Variants in NAV3 observed in about 807,000 individuals in gnomAD.
NAV3 encodes the protein pore membrane and/or filament interacting like protein 1.
In NAV3, 87 loss-of-function variants were observed where a neutral mutation model predicts 244.7. The observed-to-expected ratio is 0.36, with a 90% CI of 0.30 to 0.42. The LOEUF (loss-of-function observed/expected upper bound fraction) is 0.42, where lower values mean the gene tolerates loss of function less well. Ranked by LOEUF, NAV3 falls within the 20% of genes least tolerant of loss-of-function variation. NAV3 has a pLI of 1.00. For missense variants in NAV3, 2,663 were observed against 2,893.3 expected (o/e 0.92, Z 1.83); for synonymous variants, 1,126 against 1,042.2 (o/e 1.08, Z -1.55).
At chr12:77,857,207 G>A (rs1487383185) in intron 1 of NAV3, among the ~76,000 whole-genome samples, 1 of 151,954 alleles carries the variant, frequency 6.6e-6, no homozygotes, top group Non-Finnish European at 1.5e-5. Flanking sequence ...TAATCTCTCT[G>A]AGCTCCAGCT....
At chr12:77,797,157 A>G (rs1262185948) in intron 2 of NAV3, among the ~76,000 whole-genome samples, 1 of 152,190 alleles carries the variant, frequency 6.6e-6, no homozygotes, top group African/African-American at 2.4e-5. Context: ...TAAACAGTAA[A>G]TCTTATTGTT....
intron 5 of NAV3, among the ~76,000 whole-genome samples, chr12:77,975,361 C>T (rs1041726555): frequency 4.6e-5 from 7 of 152,164 alleles, no homozygotes; most frequent in African/African-American, 1.4e-4. Flanking sequence ...AAAATCTTTG[C>T]TTTCTTGAAG....
At chr12:78,109,788 A>G (rs1954994500) in intron 12 of NAV3, among the ~76,000 whole-genome samples, 1 of 151,984 alleles carries the variant, frequency 6.6e-6, no homozygotes, top group Non-Finnish European at 1.5e-5. Context: ...CATAGAAGAA[A>G]CATACCTCAA....
chr12:77,745,153 G>C lies in NAV3; in HGVS notation c.72+172887G>C, dbSNP rs150905117. On this transcript the variant is annotated intron_variant, in intron 2 of 8. Coordinates refer to the NAV3 transcript ENST00000550042. ...TGTTGTCTTTTGGTTTAAACCTAAG[G>C]GTTGCAGTAATTTTTGCTGGTTTTA... 6.8e-3 allele frequency among the ~76,000 whole-genome samples: 1,028 copies of C among 151,964 alleles called. 22 individuals are homozygous for C. Among genetic ancestry groups the C allele is most frequent in the South Asian group, 0.06 (289 of 4,816 alleles).
intron 2 of NAV3, among the ~76,000 whole-genome samples, chr12:77,715,179 T>G (rs995526803): frequency 2.0e-5 from 3 of 151,898 alleles, no homozygotes; most frequent in African/African-American, 7.2e-5. Context: ...AAAGAAGAAA[T>G]ATTTAGTAGA....
At chr12:78,024,520 C>T (rs574381794) in intron 9 of NAV3, among the ~76,000 whole-genome samples, 40 of 152,214 alleles carry the variant, frequency 2.6e-4, no homozygotes, top group African/African-American at 9.6e-4. Context: ...GTTCATGAAC[C>T]ACTGTCATCA....
intron 2 of NAV3, among the ~76,000 whole-genome samples, chr12:77,740,723 A>C (rs1022861927): frequency 6.6e-6 from 1 of 152,164 alleles, no homozygotes; most frequent in Non-Finnish European, 1.5e-5. Flanking sequence ...GAGGATAAGA[A>C]GTCTTTAACC....
chr12:77,726,011 T>C (rs994412482), intron 2 of NAV3, among the ~76,000 whole-genome samples: 2 of 151,950 alleles, frequency 1.3e-5, no homozygotes, highest in African/African-American at 2.4e-5. Flanking sequence ...TTTAATTACA[T>C]TGGGCCTAAC....
At chr12:78,164,468 T>A (rs1252564085) in intron 23 of NAV3, among the ~76,000 whole-genome samples, 1 of 152,048 alleles carries the variant, frequency 6.6e-6, no homozygotes, top group African/African-American at 2.4e-5. Context: ...AACTAAAAAT[T>A]TAGTTGAATA....
chr12:78,036,105 A>G (rs931912702), intron 9 of NAV3, among the ~76,000 whole-genome samples: 2 of 152,042 alleles, frequency 1.3e-5, no homozygotes, highest in African/African-American at 4.8e-5. Flanking sequence ...CATAAGGTTA[A>G]TAGTGGAAGA....
chr12:77,688,482 G>T (rs568094676), intron 2 of NAV3, among the ~76,000 whole-genome samples: 1 of 152,102 alleles, frequency 6.6e-6, no homozygotes, highest in African/African-American at 2.4e-5. Context: ...CCAAGGCCTA[G>T]TCTAGGGACA....
chr12:77,677,981 C>T (rs1240649683), intron 2 of NAV3, among the ~76,000 whole-genome samples: 1 of 151,954 alleles, frequency 6.6e-6, no homozygotes, highest in African/African-American at 2.4e-5. Flanking sequence ...TTTCTTACAA[C>T]TTTAAGACTC....
chr12:77,758,239 T>C (rs1417438750), intron 2 of NAV3, among the ~76,000 whole-genome samples: 1 of 152,228 alleles, frequency 6.6e-6, no homozygotes, highest in Non-Finnish European at 1.5e-5. Flanking sequence ...TTTTCCTGTT[T>C]TGATTTCTTA....
Position 78,199,269 on chromosome 12 carries a change from TAAAG to T in NAV3, c.6519-63_6519-60del, listed in dbSNP as rs1311246192. On this transcript the variant is annotated intron_variant, in intron 36 of 39. Transcript: ENST00000397909. ...ATAATGAATAAATAAATAATAATGA[TAAAG>T]AATCACTGTGAATGTAAAATTTAAT... The T allele has an allele frequency of 7.8e-5, 90 of 1,150,798 alleles. No homozygotes were observed. In the East Asian group the frequency reaches 2.2e-3, roughly 28 times the overall value. The allele number at this position is 1,150,798 out of a possible 1,614,324, so 71.3% of individuals were successfully genotyped here.
At chr12:77,708,810 C>G (rs925770690) in intron 2 of NAV3, among the ~76,000 whole-genome samples, 1 of 152,066 alleles carries the variant, frequency 6.6e-6, no homozygotes, top group Non-Finnish European at 1.5e-5. Context: ...GTATTTTATT[C>G]TCTTTGAAGC....
chr12:77,946,302 GTGTA>G (rs1890347981), intron 3 of NAV3, among the ~76,000 whole-genome samples: 1 of 151,230 alleles, frequency 6.6e-6, no homozygotes, highest in East Asian at 1.9e-4. Context: ...TATATAATAT[GTGTA>G]TGTGTGTGGA....
chr12:78,128,570 T>A, intron 17 of NAV3, 136 bp from the exon 18 acceptor site: 1 of 838,482 alleles, frequency 1.2e-6, no homozygotes, highest in Non-Finnish European at 1.8e-6. Flanking sequence ...CTGGAAGAAC[T>A]GAGCAATTAT....
intron 2 of NAV3, among the ~76,000 whole-genome samples, chr12:77,688,221 A>G (rs369604834): frequency 2.0e-5 from 3 of 152,086 alleles, no homozygotes; most frequent in African/African-American, 7.2e-5. Flanking sequence ...CTAAAAGTTT[A>G]TCTGAAGCAT....
At chr12:77,634,722 TA>T (rs1396065132) in intron 2 of NAV3, among the ~76,000 whole-genome samples, 5 of 152,116 alleles carry the variant, frequency 3.3e-5, no homozygotes, top group Admixed American at 6.5e-5. Context: ...TCTTATGTAT[TA>T]AAAAAATTCA....
Sources: gnomAD v4.1 joint callset for allele counts (sites outside exome capture counted in the v4.1 genomes callset) on GRCh38, gnomAD v4.1.1 for gene constraint, MANE v1.5 for transcripts, NCBI Gene and HGNC (gene_info 2026-07-23, HGNC 2026-07-21) for gene names.